The following UNC13C variants were observed in gnomAD, a reference collection of about 807,000 sequenced individuals.
The protein encoded by UNC13C is protein unc-13 homolog C.
A neutral mutation model predicts 245.4 loss-of-function variants in UNC13C; 174 were observed. The observed-to-expected ratio is 0.71, with a 90% CI of 0.63 to 0.80. The LOEUF is 0.80. Ranked by LOEUF, UNC13C falls within the 30% of genes least tolerant of loss-of-function variation. UNC13C has a pLI of 0.00. For synonymous variants in UNC13C, 992 were observed against 895.1 expected (o/e 1.11, Z -1.93); for missense variants, 2,829 against 2,602.9 (o/e 1.09, Z -1.89).
At chr15:54,408,222 A>C (rs201009534) in intron 18 of UNC13C, among the ~76,000 whole-genome samples, 3,032 of 145,136 alleles carry the variant, frequency 0.021, 120 homozygotes, top group Admixed American at 0.08. Context: ...AAAAAAAAAA[A>C]AAAAAAACAT....
At chr15:54,371,486 C>G (rs1018000605) in intron 17 of UNC13C, among the ~76,000 whole-genome samples, 3 of 152,112 alleles carry the variant, frequency 2.0e-5, no homozygotes, top group Non-Finnish European at 2.9e-5. Context: ...AATGTCATCT[C>G]AAGACTTTTT....
intron 26 of UNC13C, among the ~76,000 whole-genome samples, chr15:54,540,060 A>G (rs531099195): frequency 6.6e-6 from 1 of 152,260 alleles, no homozygotes; most frequent in South Asian, 2.1e-4. Context: ...GGGCTAATTC[A>G]GAATGCATAA....
intron 14 of UNC13C, among the ~76,000 whole-genome samples, chr15:54,330,523 C>T (rs2038411138): frequency 6.6e-6 from 1 of 152,054 alleles, no homozygotes; most frequent in Admixed American, 6.6e-5. Context: ...GTTGATCAGT[C>T]ACTTCAACTG....
chr15:53,872,349 T>A, the UNC13C span, among the ~76,000 whole-genome samples: 1 of 4,568 alleles, frequency 2.2e-4, no homozygotes, highest in African/African-American at 2.3e-4. Flanking sequence ...CATTCATAGA[T>A]TTTTTTTTTT....
chr15:54,147,132 C>G (rs2032295398), intron 4 of UNC13C, among the ~76,000 whole-genome samples: 1 of 152,042 alleles, frequency 6.6e-6, no homozygotes, highest in African/African-American at 2.4e-5. Context: ...AGGCTTTTAC[C>G]CAACTATCCT....
chr15:54,131,414 TC>T (rs1481081429), intron 2 of UNC13C, among the ~76,000 whole-genome samples: 3 of 152,240 alleles, frequency 2.0e-5, no homozygotes, highest in African/African-American at 7.2e-5. Context: ...CTATTTACTT[TC>T]CATGGTTTCA....
chr15:54,258,316 G>A (rs1459345682), intron 8 of UNC13C, among the ~76,000 whole-genome samples: 1 of 152,000 alleles, frequency 6.6e-6, no homozygotes, highest in Non-Finnish European at 1.5e-5. Flanking sequence ...TGTTTCAGAG[G>A]TCAAGTGATT....
intron 1 of UNC13C, among the ~76,000 whole-genome samples, chr15:53,999,138 C>T (rs1374516463): frequency 6.6e-6 from 1 of 151,858 alleles, no homozygotes; most frequent in Admixed American, 6.6e-5. Flanking sequence ...AGTGTTCTTT[C>T]CTCTTTTCTG....
chr15:54,507,218 T>A, intron 23 of UNC13C, 24 bp downstream of exon 23: 1 of 1,458,008 alleles, frequency 6.9e-7, no homozygotes, highest in Non-Finnish European at 9.5e-7. Context: ...GTCTCTACTT[T>A]CAAGTATCTC....
At position 54,075,588 on chromosome 15, in the gene UNC13C, A is replaced by C. The variant is rs1033726441; in HGVS notation, c.2983+59702A>C. On this transcript the variant is annotated intron_variant, in intron 2 of 32. Coordinates refer to ENST00000260323, the MANE Select transcript of UNC13C (RefSeq NM_001080534.3). The stretch of plus-strand genomic sequence containing the variant: ...AAAAAAAAAAAAAAAAGGAGTGTCC[A>C]AAACTGCAATTGCTTTTGCAGCAAC... Among the ~76,000 whole-genome samples the C allele has an allele frequency of 6.0e-5, 9 of 150,292 alleles. No homozygotes were observed. The East Asian group carries it at 1.6e-3, about 26-fold the overall frequency.
intron 4 of UNC13C, among the ~76,000 whole-genome samples, chr15:54,221,348 T>C (rs1296638421): frequency 1.3e-5 from 2 of 151,968 alleles, no homozygotes; most frequent in East Asian, 3.9e-4. Context: ...GAATCACCAA[T>C]TGTACAAACA....
At chr15:53,840,046 A>T in the UNC13C span, among the ~76,000 whole-genome samples, 1 of 152,094 alleles carries the variant, frequency 6.6e-6, no homozygotes, top group Non-Finnish European at 1.5e-5. Flanking sequence ...GCGATTCTTT[A>T]CTTATAGCAA....
At chr15:54,125,186 G>T (rs1480458231) in intron 2 of UNC13C, among the ~76,000 whole-genome samples, 1 of 152,102 alleles carries the variant, frequency 6.6e-6, no homozygotes, top group African/African-American at 2.4e-5. Flanking sequence ...TTCTAGGGCC[G>T]GGCACAGTGG....
At chr15:54,023,837 A>G (rs1054130689) in intron 2 of UNC13C, among the ~76,000 whole-genome samples, 1 of 152,206 alleles carries the variant, frequency 6.6e-6, no homozygotes, top group Non-Finnish European at 1.5e-5. Flanking sequence ...AAAGTGTACA[A>G]TGCAAAATAC....
At chr15:54,624,267 C>T (rs2141316667) in intron 32 of UNC13C, among the ~76,000 whole-genome samples, 1 of 152,204 alleles carries the variant, frequency 6.6e-6, no homozygotes, top group South Asian at 2.1e-4. Flanking sequence ...ATATGCAGAA[C>T]TATGTGGTAA....
At chr15:54,048,427 A>G (rs990147927) in intron 2 of UNC13C, among the ~76,000 whole-genome samples, 1 of 152,180 alleles carries the variant, frequency 6.6e-6, no homozygotes, top group East Asian at 1.9e-4. Context: ...TTTCAGTTGT[A>G]GAGATTAATA....
At chr15:54,163,424 A>G (rs1034987859) in intron 4 of UNC13C, among the ~76,000 whole-genome samples, 12 of 152,160 alleles carry the variant, frequency 7.9e-5, no homozygotes, top group Non-Finnish European at 1.6e-4. Context: ...GTTATAAGCC[A>G]TTAAATTTGT....
chr15:54,250,492 T>C, intron 8 of UNC13C, 48 bp downstream of exon 8: 3 of 1,505,806 alleles, frequency 2.0e-6, no homozygotes, highest in South Asian at 2.6e-5. Flanking sequence ...GCCTGCCTTA[T>C]TCCATCTGTT....
intron 4 of UNC13C, among the ~76,000 whole-genome samples, chr15:54,157,437 C>T (rs2032795906): frequency 6.6e-6 from 1 of 152,080 alleles, no homozygotes; most frequent in South Asian, 2.1e-4. Flanking sequence ...AAATCTAGCA[C>T]ACATAGAAAA....
Sources: gnomAD v4.1 joint callset for allele counts (sites outside exome capture counted in the v4.1 genomes callset) on GRCh38, gnomAD v4.1.1 for gene constraint, MANE v1.5 for transcripts, NCBI Gene and HGNC (gene_info 2026-07-23, HGNC 2026-07-21) for gene names.